Variants in PRDM5 observed in about 807,000 individuals in gnomAD.
The protein encoded by PRDM5 is PR domain zinc finger protein 5.
In PRDM5, 56 loss-of-function variants were observed where a neutral mutation model predicts 81.2. The ratio of observed to expected loss-of-function variants is 0.69; its 90% CI spans 0.56 to 0.86. The LOEUF (loss-of-function observed/expected upper bound fraction) is 0.86, where lower values mean the gene tolerates loss of function less well. Among genes scored for constraint, PRDM5 ranks in the 40% least tolerant of loss-of-function variants. The pLI, the probability that PRDM5 is intolerant of heterozygous loss-of-function variation, is 0.00. For missense variants in PRDM5, 697 were observed against 770.1 expected (o/e 0.91, Z 1.12); for synonymous variants, 267 against 256.4 (o/e 1.04, Z -0.39).
intron 14 of PRDM5, among the ~76,000 whole-genome samples, chr4:120,730,899 G>A (rs905019239): frequency 9.2e-5 from 14 of 152,272 alleles, no homozygotes; most frequent in Admixed American, 8.5e-4. Flanking sequence ...CAACTCTACT[G>A]TATTATTGTT....
At chr4:120,828,953 C>T (rs1279667735) in intron 3 of PRDM5, among the ~76,000 whole-genome samples, 1 of 151,990 alleles carries the variant, frequency 6.6e-6, no homozygotes, top group Non-Finnish European at 1.5e-5. Flanking sequence ...AATCTCATCC[C>T]TTCTAGAGCT....
intron 14 of PRDM5, among the ~76,000 whole-genome samples, chr4:120,723,090 T>C (rs1738867386): frequency 6.6e-6 from 1 of 152,202 alleles, no homozygotes; most frequent in Admixed American, 6.5e-5. Context: ...CACCATATTC[T>C]AATGGCCCTA....
At chr4:120,849,570 A>G (rs181540460) in intron 3 of PRDM5, among the ~76,000 whole-genome samples, 11 of 152,286 alleles carry the variant, frequency 7.2e-5, no homozygotes, top group African/African-American at 2.6e-4. Flanking sequence ...TAAATCGATA[A>G]GTATGGCAAC....
intron 14 of PRDM5, among the ~76,000 whole-genome samples, chr4:120,729,845 C>T (rs1017999844): frequency 5.3e-5 from 8 of 152,116 alleles, no homozygotes; most frequent in East Asian, 1.9e-4. Flanking sequence ...TGATTTCCTG[C>T]GTGGGGTGTC....
At chr4:120,690,314 T>C (rs77506321), downstream of PRDM5, among the ~76,000 whole-genome samples, 1,513 of 152,296 alleles carry the variant, frequency 9.9e-3, 12 homozygotes, top group Non-Finnish European at 0.016. Flanking sequence ...AAATTTCATA[T>C]GCTACGTATG....
chr4:120,809,326 G>A (rs1432021341), intron 8 of PRDM5, among the ~76,000 whole-genome samples: 3 of 151,950 alleles, frequency 2.0e-5, no homozygotes, highest in East Asian at 1.9e-4. Flanking sequence ...ACAACAACAT[G>A]GCCCATGTAT....
chr4:120,700,930 G>C (rs962788446), intron 15 of PRDM5, among the ~76,000 whole-genome samples: 1 of 152,120 alleles, frequency 6.6e-6, no homozygotes, highest in African/African-American at 2.4e-5. Flanking sequence ...ATCGAGACCA[G>C]CCTGACCAAT....
intron 1 of PRDM5, among the ~76,000 whole-genome samples, chr4:120,916,827 C>T (rs1724228002): frequency 6.6e-6 from 1 of 152,174 alleles, no homozygotes; most frequent in South Asian, 2.1e-4. Context: ...ACTTCACATC[C>T]AATCCTATCA....
intron 2 of PRDM5, among the ~76,000 whole-genome samples, chr4:120,900,098 C>T (rs769348566): frequency 7.9e-5 from 12 of 152,158 alleles, no homozygotes; most frequent in Non-Finnish European, 1.6e-4. Flanking sequence ...CAGAAATCTC[C>T]ATGTGTTCAG....
At chr4:120,703,825 C>T (rs1229430488) in intron 15 of PRDM5, among the ~76,000 whole-genome samples, 1 of 152,100 alleles carries the variant, frequency 6.6e-6, no homozygotes, top group East Asian at 1.9e-4. Context: ...AGAGTCTATC[C>T]TCCCTCCCAA....
At chr4:120,803,297 A>G (rs1449995479) in intron 8 of PRDM5, among the ~76,000 whole-genome samples, 2 of 152,258 alleles carry the variant, frequency 1.3e-5, no homozygotes, top group African/African-American at 2.4e-5. Flanking sequence ...GATATTATCC[A>G]GGAGAACTTA....
intron 3 of PRDM5, among the ~76,000 whole-genome samples, chr4:120,844,053 C>T (rs1758360750): frequency 6.6e-6 from 1 of 152,096 alleles, no homozygotes; most frequent in Non-Finnish European, 1.5e-5. Flanking sequence ...CCGCTGCGGC[C>T]ACTGTGGGGC....
intron 14 of PRDM5, among the ~76,000 whole-genome samples, chr4:120,712,358 T>C (rs1368213516): frequency 6.6e-6 from 1 of 151,782 alleles, no homozygotes; most frequent in African/African-American, 2.4e-5. Flanking sequence ...TGTATTTATA[T>C]TTTCTCTCTA....
chr4:120,922,398 C>T (rs989412455), intron 1 of PRDM5, 118 bp downstream of exon 1: 2 of 1,151,026 alleles, frequency 1.7e-6, no homozygotes, highest in Non-Finnish European at 2.2e-6. Context: ...TGGCCCGGCC[C>T]GGGCGAGGGG....
chr4:120,690,243 A>T (rs1208478445), downstream of PRDM5, among the ~76,000 whole-genome samples: 1 of 152,168 alleles, frequency 6.6e-6, no homozygotes, highest in African/African-American at 2.4e-5. Context: ...TATTGTTTTA[A>T]CACTAATTCC....
At chr4:120,814,602 T>G (rs957788147) in intron 7 of PRDM5, among the ~76,000 whole-genome samples, 3 of 152,140 alleles carry the variant, frequency 2.0e-5, no homozygotes, top group Non-Finnish European at 2.9e-5. Context: ...CATATCACCT[T>G]AACAAAAAAA....
intron 15 of PRDM5, among the ~76,000 whole-genome samples, chr4:120,708,323 C>A (rs1056904883): frequency 3.9e-5 from 6 of 151,900 alleles, no homozygotes; most frequent in African/African-American, 1.5e-4. Context: ...AAGGAATGAC[C>A]TACTGATACA....
chr4:120,763,309 C>A (rs560947053), intron 13 of PRDM5, among the ~76,000 whole-genome samples: 1 of 151,892 alleles, frequency 6.6e-6, no homozygotes, highest in Admixed American at 6.6e-5. Flanking sequence ...AAAAAGAATA[C>A]GAGATGCAGA....
Position 120,899,780 on chromosome 4 carries a change from T to A in PRDM5, c.177+7694A>T, listed in dbSNP as rs79346728. 8.3e-3 allele frequency among the ~76,000 whole-genome samples: 1,265 copies of A among 152,284 alleles called. 18 individuals carry two copies. Among genetic ancestry groups the A allele is most frequent in the African/African-American group, 0.028 (1,179 of 41,572 alleles). On this transcript the variant is annotated intron_variant, in intron 2 of 15. Transcript: ENST00000264808. ...CCCACAGGTTGAAGGCTCAGTCTCA[T>A]AAGACTGTCCTGCACCAGGCAGTGG...
Sources: allele counts gnomAD v4.1 joint callset (sites outside exome capture counted in the v4.1 genomes callset), GRCh38; gene constraint gnomAD v4.1.1; transcripts MANE v1.5; gene names NCBI Gene and HGNC (gene_info 2026-07-23, HGNC 2026-07-21).